Variants in TLE3 observed in about 807,000 individuals in gnomAD.
The protein encoded by TLE3 is transducin-like enhancer protein 3.
A neutral mutation model predicts 93.0 loss-of-function variants in TLE3; 14 were observed. The ratio of observed to expected loss-of-function variants is 0.15; its 90% CI spans 0.10 to 0.24. TLE3 has a LOEUF of 0.24. Among genes scored for constraint, TLE3 ranks in the 10% least tolerant of loss-of-function variants. The pLI is 1.00. For synonymous variants in TLE3, 451 were observed against 425.0 expected (o/e 1.06, Z -0.75); for missense variants, 693 against 1,046.6 (o/e 0.66, Z 4.66).
At chr15:70,088,969 G>A (rs1199381030) in intron 4 of TLE3, among the ~76,000 whole-genome samples, 2 of 152,110 alleles carry the variant, frequency 1.3e-5, no homozygotes, top group Admixed American at 6.5e-5. Flanking sequence ...ACCGGGTGGG[G>A]AGCCGCGACT....
At chr15:70,066,304 C>T in intron 6 of TLE3, 86 bp from the exon 7 acceptor site, 1 of 1,216,000 alleles carries the variant, frequency 8.2e-7, no homozygotes, top group African/African-American at 1.6e-5. Flanking sequence ...GGGAGTGGCT[C>T]TTCCCATTCC....
chr15:70,065,969 G>GGCCCCCCCCCCCCCCCCC, intron 7 of TLE3, 45 bp downstream of exon 7: 6 of 1,294,400 alleles, frequency 4.6e-6, no homozygotes, highest in African/African-American at 1.4e-5. Context: ...GAGCGCCCAT[G>GGCCCCCCCCCCCCCCCCC]CCCACCCCTG....
chr15:70,051,340 A>G (rs1343401781), intron 19 of TLE3, 51 bp downstream of exon 19: 1 of 1,537,872 alleles, frequency 6.5e-7, no homozygotes, highest in Non-Finnish European at 8.8e-7. Context: ...ACCATCACCA[A>G]GTTTCAACTC....
intron 2 of TLE3, 124 bp from the exon 3 acceptor site, chr15:70,095,765 A>C: frequency 8.4e-7 from 1 of 1,196,842 alleles, no homozygotes; most frequent in Non-Finnish European, 1.2e-6. Context: ...CGCCCCCATT[A>C]TCCCACAGCC....
intron 14 of TLE3, 98 bp downstream of exon 14, chr15:70,056,200 C>T (rs1024103920): frequency 7.5e-7 from 1 of 1,334,202 alleles, no homozygotes; most frequent in Non-Finnish European, 1.1e-6. Context: ...CCAGGGCAAA[C>T]CCTTGGTCAG....
chr15:70,091,404 G>A (rs2058301601), intron 4 of TLE3, among the ~76,000 whole-genome samples: 1 of 152,216 alleles, frequency 6.6e-6, no homozygotes. Flanking sequence ...TGTTATTTGT[G>A]GCTGACACTG....
At chr15:70,095,483 G>A (rs2058509359) in intron 3 of TLE3, 95 bp downstream of exon 3, 10 of 1,546,408 alleles carry the variant, frequency 6.5e-6, no homozygotes, top group Non-Finnish European at 7.0e-6. Context: ...GCTGGGCGGT[G>A]GTGGGGACCT....
chr15:70,080,974 T>C (rs2057747980), intron 4 of TLE3, among the ~76,000 whole-genome samples: 1 of 152,188 alleles, frequency 6.6e-6, no homozygotes, highest in South Asian at 2.1e-4. Flanking sequence ...TAGTTAGTTT[T>C]AAACTGCCCT....
At chr15:70,061,211 C>T (rs2056452749) in intron 8 of TLE3, among the ~76,000 whole-genome samples, 1 of 152,130 alleles carries the variant, frequency 6.6e-6, no homozygotes, top group African/African-American at 2.4e-5. Context: ...AACACCCCCG[C>T]CTCCACGGTG....
chr15:70,079,384 G>T, intron 4 of TLE3: 1 of 486,538 alleles, frequency 2.1e-6, no homozygotes, highest in Non-Finnish European at 4.1e-6. Flanking sequence ...GCAGAGGGGA[G>T]GGGCTGGGCT....
intron 3 of TLE3, among the ~76,000 whole-genome samples, chr15:70,095,070 G>A (rs1421323638): frequency 6.6e-6 from 1 of 152,172 alleles, no homozygotes; most frequent in African/African-American, 2.4e-5. Context: ...CCTGAGGAGG[G>A]GAGTGGAGGC....
chr15:70,082,332 G>A (rs539399228), intron 4 of TLE3, among the ~76,000 whole-genome samples: 1 of 151,970 alleles, frequency 6.6e-6, no homozygotes, highest in Non-Finnish European at 1.5e-5. Flanking sequence ...TCCATGGGGG[G>A]GCCGGGGGAC....
Position 70,058,247 on chromosome 15 carries a change from G to T in TLE3, c.963C>A (p.Thr321=). The change falls in exon 12 of 20, where the codon ACC becomes ACA. Residue 321 remains threonine, a synonymous_variant. Coordinates refer to ENST00000451782, the MANE Select transcript of TLE3 (RefSeq NM_001105192.3). This position sits in a 1 kb window ranked among gnomAD's most constrained non-coding sequence, Gnocchi z 4.1. ...CTGGAGTTGGGGCGTCGTTCCTTGG[G>T]GTTGGTGTGTTGGACTTGAGCCCAG... ...STPGLKSNTP[T]PRNDAPTPGT... 1 of 1,613,478 alleles carries T rather than the reference G, an allele frequency of 6.2e-7. No individual in the cohort carries two copies. Among genetic ancestry groups the T allele is most frequent in the South Asian group, 1.1e-5 (1 of 90,982 alleles).
At chr15:70,083,735 C>G (rs894347116) in intron 4 of TLE3, among the ~76,000 whole-genome samples, 2 of 151,966 alleles carry the variant, frequency 1.3e-5, no homozygotes, top group Non-Finnish European at 2.9e-5. Flanking sequence ...TCACATTACC[C>G]TTGCAGAGAC....
At chr15:70,095,142 C>G (rs2142094323) in intron 3 of TLE3, among the ~76,000 whole-genome samples, 1 of 152,284 alleles carries the variant, frequency 6.6e-6, no homozygotes, top group South Asian at 2.1e-4. Flanking sequence ...GGGCTTCTGT[C>G]CTACTCTGGC....
chr15:70,058,108 C>T lies in TLE3; in HGVS notation c.1051+51G>A, dbSNP rs1245002450. The T allele has an allele frequency of 6.2e-7, 1 of 1,612,784 alleles. No homozygotes were observed. The highest frequency in any genetic ancestry group is 1.7e-5 in the Admixed American group (1 of 59,858). On this transcript the variant is annotated intron_variant, in intron 12 of 19. Coordinates refer to ENST00000451782, the MANE Select transcript of TLE3 (RefSeq NM_001105192.3). This position sits in a 1 kb window ranked among gnomAD's most constrained non-coding sequence, Gnocchi z 4.1. ...CACCCCTGCCCTGGCCAAGAGCAGA[C>T]CCCCTCCCCCCAATCAGATTAACCC...
intron 4 of TLE3, among the ~76,000 whole-genome samples, chr15:70,079,703 G>A (rs925537401): frequency 1.4e-4 from 21 of 151,938 alleles, no homozygotes; most frequent in African/African-American, 4.8e-4. Context: ...GCGCTTGGGG[G>A]AGGGGAAGTT....
rs368091157 is a variant in TLE3, at chr15:70,060,513, T to C, written c.714+17A>G. 3.6e-4 allele frequency: 587 copies of C among 1,613,296 alleles called. 2 individuals carry two copies. The highest frequency in any genetic ancestry group is 4.4e-4 in the Non-Finnish European group (523 of 1,179,602). Reference sequence around the variant, plus strand: ...CCCAACAGAAACCCCAGTGGTGCCATGGCGCCTTGGACGTACGTATCGGCT... The same window carrying C: ...CCCAACAGAAACCCCAGTGGTGCCACGGCGCCTTGGACGTACGTATCGGCT... On this transcript the variant is annotated intron_variant, in intron 9 of 19. Transcript: ENST00000451782.
chr15:70,091,809 T>C (rs572787367), intron 4 of TLE3, among the ~76,000 whole-genome samples: 55 of 152,252 alleles, frequency 3.6e-4, no homozygotes, highest in African/African-American at 1.2e-3. Flanking sequence ...TCCCAGCTAA[T>C]TGGCATTTCC....
Sources: allele counts gnomAD v4.1 joint callset (sites outside exome capture counted in the v4.1 genomes callset), GRCh38; gene constraint gnomAD v4.1.1; non-coding constraint Gnocchi (gnomAD v3.1); transcripts MANE v1.5; gene names NCBI Gene and HGNC (gene_info 2026-07-23, HGNC 2026-07-21).